The following HTT variants were observed in gnomAD, a reference collection of about 807,000 sequenced individuals.
HTT encodes the protein huntingtin.
HTT carries 104 observed loss-of-function variants against 362.3 expected under a neutral mutation model. The observed-to-expected ratio is 0.29, with a 90% confidence interval of 0.24 to 0.34. The LOEUF (loss-of-function observed/expected upper bound fraction) is 0.34. Ranked by LOEUF, HTT falls within the 10% of genes least tolerant of loss-of-function variation. HTT has a pLI of 1.00. For synonymous variants in HTT, 1,577 were observed against 1,548.7 expected, an observed-to-expected ratio of 1.02 and a Z score of -0.43; for missense variants, 3,301 against 3,928.6, an observed-to-expected ratio of 0.84 and a Z score of 4.27.
chr4:3,090,371 T>C (rs879585477), intron 2 of HTT, among the ~76,000 whole-genome samples: 6 of 152,220 alleles, frequency 3.9e-5, no homozygotes, highest in Admixed American at 2.0e-4. Context: ...AACATACTTC[T>C]GCATTCTGTT....
At chr4:3,211,638 T>C (rs1291048786) in intron 47 of HTT, among the ~76,000 whole-genome samples, 1 of 152,170 alleles carries the variant, frequency 6.6e-6, no homozygotes, top group Non-Finnish European at 1.5e-5. Flanking sequence ...AAAATTGTCA[T>C]ACCAAAATTT....
In HTT at chr4:3,235,722, A is replaced by G. The variant is rs751648728; in HGVS notation, c.8729A>G (p.His2910Arg). Residue 2910 changes from histidine to arginine, a missense_variant, in exon 63 of 67, where the codon CAC (histidine) becomes CGC (arginine). By Grantham distance (29) the His-to-Arg change is conservative. Around this residue, in one of 4 missense-constraint regions of HTT, gnomAD observed 753 missense variants for 1,021.3 expected, o/e 0.74. Transcript: ENST00000355072. ...VKLSVDRVNV[H>R]SPHRAMAALG... ...CTGAGTGTGGACAGAGTGAACGTGC[A>G]CAGCCCGCACCGGGCCATGGCGGCT... 3 of 1,612,578 alleles carry G rather than the reference A, an allele frequency of 1.9e-6. No homozygotes were observed. The highest frequency in any genetic ancestry group is 1.7e-6 in the Non-Finnish European group (2 of 1,180,032).
chr4:3,220,539 G>A (rs945436316), intron 53 of HTT, among the ~76,000 whole-genome samples: 6 of 152,268 alleles, frequency 3.9e-5, no homozygotes, highest in Non-Finnish European at 7.4e-5. Flanking sequence ...TGTGTATTCC[G>A]GGCTTGTTTG....
chr4:3,175,234 A>C (rs913651628), intron 33 of HTT, 127 bp downstream of exon 33: 1 of 882,554 alleles, frequency 1.1e-6, no homozygotes, highest in Non-Finnish European at 1.7e-6. Flanking sequence ...GCTGCTGCTT[A>C]TCTTTTTCAT....
chr4:3,113,320 C>T (rs1373074553), intron 6 of HTT, among the ~76,000 whole-genome samples: 1 of 151,996 alleles, frequency 6.6e-6, no homozygotes, highest in Non-Finnish European at 1.5e-5. Context: ...TCTATTTGGA[C>T]TCATACAATG....
Position 3,217,802 on chromosome 4 carries a change from A to G in HTT, c.7092A>G (p.Ala2364=). The G allele has an allele frequency of 6.2e-7, 1 of 1,614,146 alleles. No individual in the cohort carries two copies. Among genetic ancestry groups the G allele is most frequent in the Admixed American group, 1.7e-5 (1 of 60,018 alleles). ...KYITAACEMV[A]EMVESLQSVL... ...TCACTGCAGCCTGTGAGATGGTGGCAGAAATGGTGGAGTCTCTGCAGTCGG... is the reference window on the plus strand; with the variant it reads ...TCACTGCAGCCTGTGAGATGGTGGCGGAAATGGTGGAGTCTCTGCAGTCGG... The change falls in exon 52 of 67, where the codon GCA becomes GCG. Residue 2364 remains alanine (A), a synonymous_variant. Transcript: ENST00000355072.
chr4:3,176,498 C>A (rs571099662), intron 33 of HTT, among the ~76,000 whole-genome samples: 1 of 152,288 alleles, frequency 6.6e-6, no homozygotes, highest in African/African-American at 2.4e-5. Flanking sequence ...CACTAGGAGG[C>A]TGACTGGGGA....
chr4:3,093,318 C>G (rs147563508), intron 2 of HTT, among the ~76,000 whole-genome samples: 3 of 152,286 alleles, frequency 2.0e-5, no homozygotes, highest in Non-Finnish European at 4.4e-5. Context: ...GTTTGCCCAC[C>G]TAGCCCCAGA....
chr4:3,091,585 G>A (rs2798236), intron 2 of HTT, among the ~76,000 whole-genome samples: 148,961 of 152,290 alleles, frequency 0.98, 72,937 homozygotes, highest in East Asian at 1. Flanking sequence ...TATAAATATC[G>A]TTAAGAAAAA....
At chr4:3,225,101 C>T (rs747306347) in intron 56 of HTT, among the ~76,000 whole-genome samples, 2 of 146,774 alleles carry the variant, frequency 1.4e-5, no homozygotes, top group South Asian at 2.2e-4. Context: ...GGCTGGTGCC[C>T]GGGAATTGGG....
intron 21 of HTT, among the ~76,000 whole-genome samples, chr4:3,140,096 A>C (rs745621328): frequency 6.6e-6 from 1 of 152,084 alleles, no homozygotes; most frequent in Non-Finnish European, 1.5e-5. Flanking sequence ...CCCTGTCTCT[A>C]CTAAAACTAC....
Position 3,206,904 on chromosome 4 carries a change from C to T in HTT, c.5996C>T (p.Thr1999Ile). Residue 1999 changes from threonine (T) to isoleucine (I), a missense_variant, in exon 44 of 67, where the codon ACC (threonine) becomes ATC (isoleucine). Coordinates refer to ENST00000355072, the MANE Select transcript of HTT (RefSeq NM_001388492.1). This position sits in a 1 kb window ranked among gnomAD's most constrained non-coding sequence, Gnocchi z 4.6. ...LTLYVDRLLC[T>I]PFRVLARMVD... ...CTGTATGTGGACAGGCTTCTGTGCA[C>T]CCCTTTCCGTGTGCTGGCTCGCATG... 6.2e-7 allele frequency: 1 copy of T among 1,614,186 alleles called. No homozygotes were observed. Among genetic ancestry groups the T allele is most frequent in the Non-Finnish European group, 8.5e-7 (1 of 1,180,034 alleles).
chr4:3,134,542 T>G lies in HTT; in HGVS notation c.2633+2T>G, dbSNP rs751626085. The G allele has an allele frequency of 1.2e-6, 2 of 1,610,940 alleles. No homozygotes were observed. The highest frequency in any genetic ancestry group is 1.7e-6 in the Non-Finnish European group (2 of 1,178,562). On this transcript the variant is annotated splice_donor_variant, in intron 19 of 66. Transcript: ENST00000355072. LOFTEE classifies it high-confidence loss of function. ...AACCCTTGCAGAGATTGACTTCAGG[T>G]AAGTGAGTCACATCCATTAGATTTC...
At chr4:3,096,387 G>A (rs1022242963) in intron 2 of HTT, among the ~76,000 whole-genome samples, 3 of 152,292 alleles carry the variant, frequency 2.0e-5, no homozygotes, top group African/African-American at 7.2e-5. Context: ...GGCATTTACA[G>A]GACACTCCAC....
intron 39 of HTT, chr4:3,188,302 A>T (rs1351284935): frequency 5.7e-6 from 1 of 175,132 alleles, no homozygotes; most frequent in Non-Finnish European, 1.2e-5. Context: ...CCTGCAGGGC[A>T]GCCTGCCTCC....
At chr4:3,234,280 T>C (rs573262273) in intron 61 of HTT, among the ~76,000 whole-genome samples, 1 of 152,342 alleles carries the variant, frequency 6.6e-6, no homozygotes, top group South Asian at 2.1e-4. Flanking sequence ...CAGGGGCCAT[T>C]GCCCTCATCC....
chr4:3,099,341 G>C lies in HTT; in HGVS notation c.415G>C (p.Ala139Pro), dbSNP rs759582713. 6.2e-7 allele frequency: 1 copy of C among 1,613,516 alleles called. No homozygotes were observed. The highest frequency in any genetic ancestry group is 8.5e-7 in the Non-Finnish European group (1 of 1,179,558). ...MELFLLCSDD[A>P]ESDVRMVADE... Reference sequence around the variant, plus strand: ...ACTTTTTCTGCTGTGCAGTGATGACGCAGAGTCAGATGTCAGGATGGTGGC... The same window carrying C: ...ACTTTTTCTGCTGTGCAGTGATGACCCAGAGTCAGATGTCAGGATGGTGGC... The change falls in exon 3 of 67, where the codon GCA becomes CCA. Residue 139 changes from alanine (A) to proline (P), a missense_variant. Physicochemically the swap from Ala to Pro is conservative, Grantham distance 27. Transcript: ENST00000355072.
In HTT at chr4:3,238,921, C is replaced by T. The variant is rs375081737; in HGVS notation, c.9158C>T (p.Thr3053Met). ...FTQRAPVAMA[T>M]WSLSCFFVSA... The stretch of plus-strand genomic sequence containing the variant: ...CAGAGGGCCCCGGTCGCCATGGCCA[C>T]GTGGAGCCTCTCCTGCTTCTTTGTC... Residue 3053 changes from threonine (T) to methionine (M), a missense_variant, in exon 66 of 67, where the codon ACG becomes ATG. By Grantham distance (81) the Thr-to-Met change is moderately conservative. Transcript: ENST00000355072. 11 of 1,610,910 alleles carry T rather than the reference C, an allele frequency of 6.8e-6. No homozygotes were observed. Among genetic ancestry groups the T allele is most frequent in the South Asian group, 4.4e-5 (4 of 90,454 alleles).
At chr4:3,223,385 A>G in intron 54 of HTT, 21 bp from the exon 55 acceptor site, 2 of 1,552,322 alleles carry the variant, frequency 1.3e-6, no homozygotes, top group Non-Finnish European at 8.7e-7. Context: ...GCTCTTGTTG[A>G]CATGTGGGCT....
Sources: gnomAD v4.1 joint callset for allele counts (sites outside exome capture counted in the v4.1 genomes callset) on GRCh38, gnomAD v4.1.1 for gene constraint, gnomAD v4.1.1 regional missense constraint, Gnocchi (gnomAD v3.1) non-coding constraint, MANE v1.5 for transcripts, NCBI Gene and HGNC (gene_info 2026-07-23, HGNC 2026-07-21) for gene names.